RFX4: variants seen among roughly 807,000 people sequenced by gnomAD.
RFX4 encodes the protein transcription factor RFX4.
RFX4 carries 10 observed loss-of-function variants against 95.0 expected under a neutral mutation model. The observed-to-expected ratio is 0.11, with a 90% CI of 0.06 to 0.18. The LOEUF (loss-of-function observed/expected upper bound fraction) is 0.18, where lower values mean the gene tolerates loss of function less well. Among genes scored for constraint, RFX4 ranks in the 10% least tolerant of loss-of-function variants. The probability of loss-of-function intolerance (pLI) is 1.00; values close to 1 mark genes in which losing one functional copy is unlikely to be tolerated. For synonymous variants in RFX4, 321 were observed against 340.7 expected (o/e 0.94, Z 0.64); for missense variants, 640 against 922.0 (o/e 0.69, Z 3.96).
chr12:106,623,841 T>C (rs1352173357), intron 2 of RFX4, among the ~76,000 whole-genome samples: 1 of 152,248 alleles, frequency 6.6e-6, no homozygotes, highest in Non-Finnish European at 1.5e-5. Context: ...AACCTGATGA[T>C]TTAAATGATG....
intron 15 of RFX4, among the ~76,000 whole-genome samples, chr12:106,739,125 CAGAAAGAAAGAA>C (rs55743965): frequency 7.0e-4 from 105 of 149,164 alleles, no homozygotes; most frequent in African/African-American, 2.4e-3. Flanking sequence ...GGACCAAAAC[CAGAAAGAAAGAA>C]AGAAAGAAAG....
chr12:106,741,542 T>G (rs1254087573), intron 15 of RFX4, among the ~76,000 whole-genome samples: 1 of 152,228 alleles, frequency 6.6e-6, no homozygotes, highest in Non-Finnish European at 1.5e-5. Flanking sequence ...ATTAAGAAAC[T>G]GAATTTTAAA....
At chr12:106,755,234 C>T (rs6539281) in intron 17 of RFX4, among the ~76,000 whole-genome samples, 36,473 of 151,968 alleles carry the variant, frequency 0.24, 5,478 homozygotes, top group African/African-American at 0.42. Context: ...GTACCTGGGA[C>T]TATAGGCACA....
rs567598827 is a variant in RFX4 at position 106,615,750 on chromosome 12, G to A, written c.130+6867G>A. The stretch of plus-strand genomic sequence containing the variant: ...ATGTTTTTCAATGCTAATGTAAGTA[G>A]TAATATTTTAAAGTTTTTCCTAATT... On this transcript the variant is annotated intron_variant, in intron 2 of 17. Transcript: ENST00000392842. Among the ~76,000 whole-genome samples the A allele has an allele frequency of 7.2e-5, 11 of 152,190 alleles. No homozygotes were observed. The South Asian group carries it at 2.1e-3, about 29-fold the overall frequency.
chr12:106,603,828 C>T (rs534199267), intron 1 of RFX4, among the ~76,000 whole-genome samples: 51 of 152,278 alleles, frequency 3.3e-4, no homozygotes, highest in African/African-American at 1.2e-3. Context: ...GAAAACATAA[C>T]ATGTAATGTT....
chr12:106,747,726 G>T (rs1218084332), intron 16 of RFX4, 127 bp downstream of exon 16: 5 of 1,003,250 alleles, frequency 5.0e-6, no homozygotes, highest in Non-Finnish European at 7.3e-6. Flanking sequence ...TCAGGAGTTC[G>T]AGACCAGCCT....
At chr12:106,612,937 G>A (rs1223804717) in intron 2 of RFX4, among the ~76,000 whole-genome samples, 2 of 151,868 alleles carry the variant, frequency 1.3e-5, no homozygotes, top group African/African-American at 2.4e-5. Flanking sequence ...CCAAATTGCT[G>A]TGGCTAGGAC....
intron 6 of RFX4, among the ~76,000 whole-genome samples, chr12:106,688,453 C>T (rs1483496468): frequency 2.0e-5 from 3 of 152,106 alleles, no homozygotes; most frequent in Non-Finnish European, 4.4e-5. Context: ...CCATGTCACA[C>T]TAGGATCTGG....
intron 2 of RFX4, among the ~76,000 whole-genome samples, chr12:106,627,267 G>A (rs892116608): frequency 3.3e-5 from 5 of 152,204 alleles, no homozygotes; most frequent in Admixed American, 6.5e-5. Context: ...GCCGGACACA[G>A]TGGCTCATGC....
At chr12:106,651,006 A>C (rs138947847) in intron 3 of RFX4, among the ~76,000 whole-genome samples, 3 of 152,094 alleles carry the variant, frequency 2.0e-5, no homozygotes, top group African/African-American at 7.2e-5. Flanking sequence ...TCTTCTGAAA[A>C]TAACATTTTT....
At chr12:106,741,765 G>A (rs887003347) in intron 15 of RFX4, among the ~76,000 whole-genome samples, 11 of 152,144 alleles carry the variant, frequency 7.2e-5, no homozygotes, top group African/African-American at 1.9e-4. Flanking sequence ...ACCAGGGACC[G>A]GTTTTGTGGA....
At chr12:106,609,607 G>T (rs2137205643) in intron 2 of RFX4, among the ~76,000 whole-genome samples, 1 of 152,290 alleles carries the variant, frequency 6.6e-6, no homozygotes, top group East Asian at 1.9e-4. Context: ...TAGCATGTTT[G>T]CTAGATCTAC....
intron 4 of RFX4, among the ~76,000 whole-genome samples, chr12:106,657,424 C>A (rs1464147539): frequency 1.3e-5 from 2 of 152,132 alleles, no homozygotes; most frequent in African/African-American, 4.8e-5. Flanking sequence ...TGGGTGGCAG[C>A]CATTGCTTCG....
At chr12:106,697,141 G>T (rs2041896322) in intron 8 of RFX4, among the ~76,000 whole-genome samples, 1 of 152,082 alleles carries the variant, frequency 6.6e-6, no homozygotes, top group African/African-American at 2.4e-5. Flanking sequence ...GCTGTCCTTG[G>T]GCACAGAGTG....
At chr12:106,729,738 C>T (rs1445075814) in intron 13 of RFX4, among the ~76,000 whole-genome samples, 1 of 152,116 alleles carries the variant, frequency 6.6e-6, no homozygotes, top group Admixed American at 6.5e-5. Context: ...ATTTTGTTTT[C>T]AGTATTTATA....
intron 3 of RFX4, among the ~76,000 whole-genome samples, chr12:106,641,971 C>CTA (rs1233121748): frequency 9.6e-6 from 1 of 103,982 alleles, no homozygotes; most frequent in Non-Finnish European, 1.9e-5. Flanking sequence ...CTATATCTAT[C>CTA]TATATCTATA....
intron 5 of RFX4, chr12:106,682,749 T>G (rs543720215): frequency 6.6e-6 from 1 of 152,444 alleles, no homozygotes; most frequent in Admixed American, 6.5e-5. Flanking sequence ...TACATTTAAG[T>G]AAAGACTAGG....
chr12:106,633,351 C>T (rs1197243259), intron 2 of RFX4, among the ~76,000 whole-genome samples: 2 of 152,184 alleles, frequency 1.3e-5, no homozygotes, highest in Admixed American at 1.3e-4. Flanking sequence ...TGCAATTATT[C>T]ACCCTCACCA....
chr12:106,686,146 C>A (rs2041639290), intron 5 of RFX4, among the ~76,000 whole-genome samples: 1 of 152,184 alleles, frequency 6.6e-6, no homozygotes, highest in Admixed American at 6.5e-5. Context: ...GGCGCGGTGG[C>A]TCATGCCTGT....
Sources: allele counts gnomAD v4.1 joint callset (sites outside exome capture counted in the v4.1 genomes callset), GRCh38; gene constraint gnomAD v4.1.1; transcripts MANE v1.5; gene names NCBI Gene and HGNC (gene_info 2026-07-23, HGNC 2026-07-21).